MYOZ2: variants seen among roughly 807,000 people sequenced by gnomAD.
MYOZ2 encodes myozenin 2.
Under a neutral mutation model 25.4 loss-of-function variants are expected in MYOZ2, and 19 were observed. The observed-to-expected ratio is 0.75, with a 90% CI of 0.52 to 1.10. The LOEUF is 1.10. Ranked by LOEUF, MYOZ2 falls within the 50% of genes least tolerant of loss-of-function variation. MYOZ2 has a pLI of 0.00. For missense variants in MYOZ2, 270 were observed against 317.9 expected, an observed-to-expected ratio of 0.85 and a Z score of 1.15; for synonymous variants, 92 against 106.9, an observed-to-expected ratio of 0.86 and a Z score of 0.86.
In MYOZ2 at chr4:119,179,449, A is replaced by G. The variant is rs527912570; in HGVS notation, c.561-6517A>G. Among the ~76,000 whole-genome samples, 3 of 152,358 alleles carry G rather than the reference A, an allele frequency of 2.0e-5. No homozygotes were observed. The South Asian group carries it at 6.2e-4, about 32-fold the overall frequency. ...TAAAATTCAACAGTGATATGGACAC[A>G]TAGAACAAACTCTCATCTACTCATT... is the stretch of plus-strand genomic sequence containing the variant. On this transcript the variant is annotated intron_variant, in intron 5 of 5. Coordinates refer to ENST00000307128, the MANE Select transcript of MYOZ2 (RefSeq NM_016599.5).
chr4:119,157,361 T>A (rs1190849101), intron 3 of MYOZ2, among the ~76,000 whole-genome samples: 1 of 152,190 alleles, frequency 6.6e-6, no homozygotes, highest in Non-Finnish European at 1.5e-5. Context: ...AGGTGCTATA[T>A]TATTGCCATA....
Position 119,137,746 on chromosome 4 carries a change from A to T in MYOZ2, c.76+1145A>T, listed in dbSNP as rs114429180. On this transcript the variant is annotated intron_variant, in intron 2 of 5. Transcript: ENST00000307128. ...TTGGAATAAAATGAGAATAATTCTGAGTCAGATACCAGAACTGAATTCATA... is the reference window on the plus strand; with the variant it reads ...TTGGAATAAAATGAGAATAATTCTGTGTCAGATACCAGAACTGAATTCATA... Among the ~76,000 whole-genome samples, 1,082 of 152,284 alleles carry T rather than the reference A, an allele frequency of 7.1e-3. 7 individuals carry two copies. The highest frequency in any genetic ancestry group is 0.011 in the Non-Finnish European group (760 of 68,020).
chr4:119,179,477 C>G (rs1408240757), intron 5 of MYOZ2, among the ~76,000 whole-genome samples: 10 of 152,088 alleles, frequency 6.6e-5, no homozygotes, highest in Admixed American at 6.5e-4. Context: ...TACTCATTCT[C>G]CTTTATTTTT....
chr4:119,147,743 C>CA lies in MYOZ2; in HGVS notation c.77-3115dup, dbSNP rs70944840. On this transcript the variant is annotated intron_variant, in intron 2 of 5. Transcript: ENST00000307128. ...TGGGTGACAGAGTAAGACTCTGTCTCAAAAAAAAAAAAAATCTACTTTGAT... is the reference window on the plus strand; with the variant it reads ...TGGGTGACAGAGTAAGACTCTGTCTCAAAAAAAAAAAAAAATCTACTTTGAT... 0.011 allele frequency among the ~76,000 whole-genome samples: 1,290 copies of CA among 119,644 alleles called. 87 individuals are homozygous for CA. The East Asian group carries it at 0.19, about 17-fold the overall frequency. The allele number at this position is 119,644 out of a possible 152,430, so 78.5% of individuals were successfully genotyped here.
At chr4:119,152,028 C>A (rs758467904) in intron 3 of MYOZ2, among the ~76,000 whole-genome samples, 10 of 152,062 alleles carry the variant, frequency 6.6e-5, no homozygotes, top group Non-Finnish European at 1.0e-4. Context: ...AAATTTTGTT[C>A]CCTATATTTC....
rs1404803003 is a variant in MYOZ2, at chr4:119,186,179, A to T, written c.774A>T (p.Val258=). 6.2e-7 allele frequency: 1 copy of T among 1,612,812 alleles called. No individual in the cohort carries two copies. The highest frequency in any genetic ancestry group is 8.5e-7 in the Non-Finnish European group (1 of 1,178,868). ...CCGAACCTACAGATGATACCACTGT[A>T]CCAGAATCAGAAGACCTATGAAAAG... ...ITTEPTDDTT[V]PESEDL is the part of the protein sequence containing the mutation. Residue 258 remains valine, a synonymous_variant, in exon 6 of 6, where the codon GTA becomes GTT. Coordinates refer to ENST00000307128, the MANE Select transcript of MYOZ2 (RefSeq NM_016599.5).
At chr4:119,138,124 A>G (rs1304767350) in intron 2 of MYOZ2, among the ~76,000 whole-genome samples, 1 of 152,074 alleles carries the variant, frequency 6.6e-6, no homozygotes, top group Non-Finnish European at 1.5e-5. Context: ...GTGGGAGAAA[A>G]CACACAATTA....
At chr4:119,175,886 C>T (rs1051976589) in intron 5 of MYOZ2, among the ~76,000 whole-genome samples, 4 of 152,034 alleles carry the variant, frequency 2.6e-5, no homozygotes, top group African/African-American at 9.7e-5. Context: ...CTAATAATTT[C>T]TGAACAAGGG....
At chr4:119,183,238 T>C (rs1742223075) in intron 5 of MYOZ2, among the ~76,000 whole-genome samples, 1 of 151,890 alleles carries the variant, frequency 6.6e-6, no homozygotes, top group East Asian at 1.9e-4. Flanking sequence ...ATGGATATAA[T>C]GAAAGATATA....
chr4:119,164,749 T>A (rs1164963616), intron 5 of MYOZ2, among the ~76,000 whole-genome samples: 2 of 152,174 alleles, frequency 1.3e-5, no homozygotes, highest in Non-Finnish European at 2.9e-5. Context: ...TGTTCAAGAA[T>A]TTAATAAATA....
At chr4:119,162,779 G>T (rs1385827133) in intron 4 of MYOZ2, among the ~76,000 whole-genome samples, 1 of 152,160 alleles carries the variant, frequency 6.6e-6, no homozygotes, top group Non-Finnish European at 1.5e-5. Flanking sequence ...GTGATTTGTT[G>T]TGGGGATGAG....
At chr4:119,142,923 A>G (rs144242729) in intron 2 of MYOZ2, among the ~76,000 whole-genome samples, 218 of 152,288 alleles carry the variant, frequency 1.4e-3, no homozygotes, top group Non-Finnish European at 2.2e-3. Flanking sequence ...TTGTGCTGCT[A>G]TAACAGAATA....
intron 5 of MYOZ2, among the ~76,000 whole-genome samples, chr4:119,179,136 T>G (rs1742137715): frequency 6.6e-6 from 1 of 152,208 alleles, no homozygotes; most frequent in South Asian, 2.1e-4. Context: ...TCCAAACTTG[T>G]TATCATGGCC....
At chr4:119,166,152 C>A (rs558968429) in intron 5 of MYOZ2, among the ~76,000 whole-genome samples, 6 of 152,240 alleles carry the variant, frequency 3.9e-5, no homozygotes, top group African/African-American at 1.4e-4. Flanking sequence ...GAATTAAATT[C>A]TTTCAACATG....
At chr4:119,140,578 C>A (rs575569517) in intron 2 of MYOZ2, among the ~76,000 whole-genome samples, 1 of 152,260 alleles carries the variant, frequency 6.6e-6, no homozygotes, top group East Asian at 1.9e-4. Context: ...GAGCATCTAA[C>A]CCCTAATAAG....
intron 3 of MYOZ2, among the ~76,000 whole-genome samples, chr4:119,155,037 A>T (rs1192021960): frequency 6.6e-6 from 1 of 152,080 alleles, no homozygotes; most frequent in Non-Finnish European, 1.5e-5. Context: ...GGGCCCCTGG[A>T]AACTTCCACT....
chr4:119,136,257 G>A (rs1741019249), intron 1 of MYOZ2, among the ~76,000 whole-genome samples: 1 of 152,162 alleles, frequency 6.6e-6, no homozygotes, highest in Non-Finnish European at 1.5e-5. Context: ...AAGGAGACCA[G>A]CAATTTCATT....
intron 3 of MYOZ2, among the ~76,000 whole-genome samples, chr4:119,151,406 C>A (rs1159656113): frequency 1.3e-5 from 2 of 152,148 alleles, no homozygotes; most frequent in African/African-American, 4.8e-5. Flanking sequence ...TAGCGCTCCA[C>A]AGGCGAGGAT....
Position 119,168,251 on chromosome 4 carries a change from C to T in MYOZ2, c.560+3857C>T, listed in dbSNP as rs765911093. 3.9e-5 allele frequency among the ~76,000 whole-genome samples: 6 copies of T among 152,322 alleles called. No individual in the cohort carries two copies. The East Asian group carries it at 7.7e-4, about 20-fold the overall frequency. On this transcript the variant is annotated intron_variant, in intron 5 of 5. Transcript: ENST00000307128. ...TCTCCCAAAGTGCTGGGATTATGGG[C>T]GTGAGCCACTGCGCCCAGCCTAATA... is the stretch of plus-strand genomic sequence containing the variant.
Sources: gnomAD v4.1 joint callset for allele counts (sites outside exome capture counted in the v4.1 genomes callset) on GRCh38, gnomAD v4.1.1 for gene constraint, MANE v1.5 for transcripts, NCBI Gene and HGNC (gene_info 2026-07-23, HGNC 2026-07-21) for gene names.